PCDH9: variants seen among roughly 807,000 people sequenced by gnomAD.
The protein encoded by PCDH9 is protocadherin-9.
PCDH9 carries 24 observed loss-of-function variants against 70.6 expected under a neutral mutation model. The ratio of observed to expected loss-of-function variants is 0.34; its 90% confidence interval spans 0.25 to 0.48. The LOEUF (loss-of-function observed/expected upper bound fraction) is 0.48, where lower values mean the gene tolerates loss of function less well. Among genes scored for constraint, PCDH9 ranks in the 20% least tolerant of loss-of-function variants. The probability of loss-of-function intolerance (pLI) is 0.99; values close to 1 mark genes in which losing one functional copy is unlikely to be tolerated. For synonymous variants in PCDH9, 562 were observed against 558.5 expected (o/e 1.01, Z -0.09); for missense variants, 1,281 against 1,503.6 (o/e 0.85, Z 2.45).
At chr13:66,321,522 G>A (rs1049577444) in intron 4 of PCDH9, among the ~76,000 whole-genome samples, 3 of 151,840 alleles carry the variant, frequency 2.0e-5, no homozygotes, top group Non-Finnish European at 4.4e-5. Context: ...AGGAGCTAGT[G>A]CTCTTTGAAA....
At chr13:66,369,390 A>T (rs1956607449) in intron 4 of PCDH9, among the ~76,000 whole-genome samples, 1 of 152,136 alleles carries the variant, frequency 6.6e-6, no homozygotes, top group African/African-American at 2.4e-5. Flanking sequence ...TAACATTAGA[A>T]TCAGATGAGT....
intron 2 of PCDH9, among the ~76,000 whole-genome samples, chr13:67,111,180 T>C (rs1022993317): frequency 3.9e-5 from 6 of 152,222 alleles, no homozygotes; most frequent in Non-Finnish European, 8.8e-5. Flanking sequence ...TTTATAATAT[T>C]TTCTAATCAC....
chr13:67,108,541 T>A (rs12184632), intron 2 of PCDH9, among the ~76,000 whole-genome samples: 2 of 152,052 alleles, frequency 1.3e-5, no homozygotes, highest in African/African-American at 4.8e-5. Context: ...AATAATAATA[T>A]CAATTTTTAG....
At chr13:66,927,462 G>A (rs1373367727) in intron 2 of PCDH9, among the ~76,000 whole-genome samples, 1 of 152,004 alleles carries the variant, frequency 6.6e-6, no homozygotes, top group Non-Finnish European at 1.5e-5. Context: ...ATACCTGGGT[G>A]ATGAAATAAT....
intron 2 of PCDH9, among the ~76,000 whole-genome samples, chr13:67,136,739 C>G (rs1345026687): frequency 1.4e-5 from 2 of 145,122 alleles, no homozygotes; most frequent in Non-Finnish European, 3.0e-5. Flanking sequence ...TTTATATTTT[C>G]CAAATTTTAC....
At chr13:66,705,511 T>C (rs1358569379) in intron 3 of PCDH9, among the ~76,000 whole-genome samples, 12 of 152,202 alleles carry the variant, frequency 7.9e-5, no homozygotes, top group Admixed American at 7.9e-4. Flanking sequence ...GTTCACCTCA[T>C]CTATTTTAGT....
At chr13:66,779,187 T>C (rs988670350) in intron 3 of PCDH9, among the ~76,000 whole-genome samples, 2 of 152,132 alleles carry the variant, frequency 1.3e-5, no homozygotes, top group Non-Finnish European at 2.9e-5. Flanking sequence ...AGTGGCTTTT[T>C]TTTTTTAACA....
intron 4 of PCDH9, among the ~76,000 whole-genome samples, chr13:66,427,793 C>T (rs575640276): frequency 6.6e-6 from 1 of 151,676 alleles, no homozygotes; most frequent in Admixed American, 6.6e-5. Context: ...TTCTCTTACA[C>T]AACTTATTCA....
chr13:66,771,209 A>G (rs2079801448), intron 3 of PCDH9, among the ~76,000 whole-genome samples: 1 of 152,194 alleles, frequency 6.6e-6, no homozygotes, highest in Non-Finnish European at 1.5e-5. Context: ...CAGCCTCCTC[A>G]GTAGCTAGGA....
At chr13:66,623,348 G>A (rs1419085759) in intron 4 of PCDH9, among the ~76,000 whole-genome samples, 1 of 152,224 alleles carries the variant, frequency 6.6e-6, no homozygotes, top group Non-Finnish European at 1.5e-5. Context: ...ATTCACTGAA[G>A]GATGTTTTTC....
chr13:66,904,870 G>A (rs1333951863), intron 2 of PCDH9, among the ~76,000 whole-genome samples: 1 of 151,800 alleles, frequency 6.6e-6, no homozygotes, highest in East Asian at 1.9e-4. Context: ...ATAGCTATGT[G>A]ACAACTAAGA....
chr13:66,391,904 ATG>A (rs1491084690), intron 4 of PCDH9, among the ~76,000 whole-genome samples: 2 of 148,872 alleles, frequency 1.3e-5, no homozygotes, highest in Non-Finnish European at 3.0e-5. Flanking sequence ...ATATATATAT[ATG>A]TTTGTGCATA....
chr13:67,174,310 GATAGATACATACATAC>G (rs1240689898), intron 2 of PCDH9, among the ~76,000 whole-genome samples: 3 of 149,548 alleles, frequency 2.0e-5, no homozygotes, highest in African/African-American at 7.5e-5. Context: ...TAGATAGATA[GATAGATACATACATAC>G]ATACATACAT....
At chr13:66,555,506 C>G (rs1364681300) in intron 4 of PCDH9, among the ~76,000 whole-genome samples, 7 of 151,390 alleles carry the variant, frequency 4.6e-5, no homozygotes, top group African/African-American at 1.7e-4. Context: ...CTTTTAACCT[C>G]CCTCTTGAAA....
chr13:66,699,987 A>C (rs910025325), intron 3 of PCDH9, among the ~76,000 whole-genome samples: 4 of 152,154 alleles, frequency 2.6e-5, no homozygotes, highest in African/African-American at 7.2e-5. Context: ...GTTACCTATA[A>C]AAAATTATAC....
At chr13:67,150,906 C>A (rs1204873629) in intron 2 of PCDH9, among the ~76,000 whole-genome samples, 1 of 152,142 alleles carries the variant, frequency 6.6e-6, no homozygotes, top group African/African-American at 2.4e-5. Context: ...GATTAGCTTT[C>A]TTGTTTAACC....
At chr13:66,600,841 A>G (rs2077157763) in intron 4 of PCDH9, among the ~76,000 whole-genome samples, 1 of 143,748 alleles carries the variant, frequency 7.0e-6, no homozygotes, top group African/African-American at 2.5e-5. Flanking sequence ...TTTTTCCCCT[A>G]GATTTATGCA....
chr13:66,839,917 T>C (rs1343585644), intron 3 of PCDH9, among the ~76,000 whole-genome samples: 1 of 152,246 alleles, frequency 6.6e-6, no homozygotes, highest in East Asian at 1.9e-4. Context: ...TATTTTCTGA[T>C]TCACAACTAT....
At chr13:66,397,295 T>A (rs762805712) in intron 4 of PCDH9, among the ~76,000 whole-genome samples, 1 of 151,982 alleles carries the variant, frequency 6.6e-6, no homozygotes, top group Non-Finnish European at 1.5e-5. Context: ...GGCTTGCACC[T>A]GTTGTCTCAG....
Sources: gnomAD v4.1 joint callset for allele counts (sites outside exome capture counted in the v4.1 genomes callset) on GRCh38, gnomAD v4.1.1 for gene constraint, MANE v1.5 for transcripts, NCBI Gene and HGNC (gene_info 2026-07-23, HGNC 2026-07-21) for gene names.